The following COL9A1 variants were observed in gnomAD, a reference collection of about 807,000 sequenced individuals.
The protein encoded by COL9A1 is collagen alpha-1(IX) chain.
In COL9A1, 104 loss-of-function variants were observed where a neutral mutation model predicts 142.6. The observed-to-expected ratio is 0.73, with a 90% CI of 0.62 to 0.86. COL9A1 has a LOEUF of 0.86. COL9A1 is among the 40% of genes least tolerant of loss of function. The pLI is 0.00. For missense variants in COL9A1, 1,210 were observed against 1,176.6 expected (o/e 1.03, Z -0.42); for synonymous variants, 466 against 396.0 (o/e 1.18, Z -2.10).
chr6:70,270,349 C>T lies in COL9A1; in HGVS notation c.1162G>A (p.Gly388Arg). 6.2e-7 allele frequency: 1 copy of T among 1,613,742 alleles called. No individual in the cohort carries two copies. The highest frequency in any genetic ancestry group is 1.1e-5 in the South Asian group (1 of 91,044). The change falls in exon 15 of 38, where the codon GGA becomes AGA. Residue 388 changes from glycine to arginine, a missense_variant. Transcript: ENST00000357250. Reference sequence around the variant, plus strand: ...GGGGGGCCAGGGGGGCCAGGTGGTCCTCTTCTCCCAGGGTCACCCTAAGTT... The same window carrying T: ...GGGGGGCCAGGGGGGCCAGGTGGTCTTCTTCTCCCAGGGTCACCCTAAGTT... ...VGPVGDPGRRGPPGPPGPPGP... is the reference protein window; with the variant it reads ...VGPVGDPGRRRPPGPPGPPGP...
chr6:70,270,722 T>C (rs2127590123), intron 14 of COL9A1, among the ~76,000 whole-genome samples: 1 of 152,350 alleles, frequency 6.6e-6, no homozygotes, highest in South Asian at 2.1e-4. Flanking sequence ...CCTATACTGC[T>C]AGTGCCATTC....
In COL9A1 at chr6:70,281,007, G is replaced by C; in HGVS notation, c.909C>G (p.Pro303=). The C allele has an allele frequency of 6.2e-7, 1 of 1,613,336 alleles. No individual in the cohort carries two copies. Among genetic ancestry groups the C allele is most frequent in the Non-Finnish European group, 8.5e-7 (1 of 1,179,710 alleles). The change falls in exon 9 of 38, where the codon CCC becomes CCG. Residue 303 remains proline (P), a synonymous_variant. Coordinates refer to ENST00000357250, the MANE Select transcript of COL9A1 (RefSeq NM_001851.6). ...GDRGPKGPPG[P]PGPAGEPGKP... ...CCATATGCTCCAATCAACTTACCGG[G>C]GGGCCCGGGGGGCCCTTAGGACCTC...
chr6:70,276,792 C>A (rs1461778978), intron 10 of COL9A1, among the ~76,000 whole-genome samples: 1 of 152,178 alleles, frequency 6.6e-6, no homozygotes, highest in Non-Finnish European at 1.5e-5. Flanking sequence ...TCCTCCACAA[C>A]ATCTTTATAT....
intron 20 of COL9A1, among the ~76,000 whole-genome samples, chr6:70,259,449 T>C (rs1771532839): frequency 1.3e-5 from 2 of 152,120 alleles, no homozygotes. Flanking sequence ...TCTTAAAATC[T>C]GATAGAGAGG....
intron 28 of COL9A1, among the ~76,000 whole-genome samples, chr6:70,248,829 T>G (rs2127572031): frequency 6.6e-6 from 1 of 152,324 alleles, no homozygotes; most frequent in Non-Finnish European, 1.5e-5. Context: ...TGGCACCTTC[T>G]GCAGTTACCA....
rs376458734 is a variant in COL9A1, at chr6:70,280,878, A to C, written c.913-4T>G. ...TTCCCGGTTCACCTGCAGGACCCTGAGCAGGGGCAGAAGGGTGCGGGGGCA... is the reference window on the plus strand; with the variant it reads ...TTCCCGGTTCACCTGCAGGACCCTGCGCAGGGGCAGAAGGGTGCGGGGGCA... On this transcript the variant is annotated splice_region_variant and splice_polypyrimidine_tract_variant and intron_variant, in intron 9 of 37. Coordinates refer to ENST00000357250, the MANE Select transcript of COL9A1 (RefSeq NM_001851.6). 3.1e-6 allele frequency: 5 copies of C among 1,613,446 alleles called. No individual in the cohort carries two copies. In the African/African-American group the frequency reaches 6.7e-5, roughly 22 times the overall value.
At position 70,234,733 on chromosome 6, in the gene COL9A1, A is replaced by T. The variant is rs1769789246; in HGVS notation, c.2259+61T>A. The T allele has an allele frequency of 8.1e-6, 13 of 1,611,330 alleles. No homozygotes were observed. The South Asian group carries it at 1.4e-4, about 18-fold the overall frequency. ...TTGTTGAGAAGCTGATGCCTAGAAC[A>T]GCCCTGCTGCTGTGGGATGGAGTCT... is the stretch of plus-strand genomic sequence containing the variant. On this transcript the variant is annotated intron_variant, in intron 34 of 37. Transcript: ENST00000357250.
intron 37 of COL9A1, among the ~76,000 whole-genome samples, chr6:70,220,729 T>C (rs1768831132): frequency 6.6e-6 from 1 of 152,162 alleles, no homozygotes; most frequent in South Asian, 2.1e-4. Context: ...ATAATAACGG[T>C]TCACAAAATG....
intron 4 of COL9A1, among the ~76,000 whole-genome samples, chr6:70,297,315 A>G: frequency 6.6e-6 from 1 of 152,152 alleles, no homozygotes; most frequent in Non-Finnish European, 1.5e-5. Context: ...TTCTCTCCGT[A>G]TATATGAAGA....
At chr6:70,280,463 C>A in intron 10 of COL9A1, 1 of 1,259,630 alleles carries the variant, frequency 7.9e-7, no homozygotes, top group Non-Finnish European at 1.0e-6. Context: ...TAAGCCGAAG[C>A]CAGTACAATC....
chr6:70,274,532 G>T (rs544032078), intron 11 of COL9A1, among the ~76,000 whole-genome samples, 187 bp downstream of exon 11: 3 of 151,788 alleles, frequency 2.0e-5, no homozygotes, highest in Admixed American at 1.3e-4. Context: ...TCCCTGCAAA[G>T]GACATGATCT....
At chr6:70,286,403 G>T (rs143658435) in intron 5 of COL9A1, among the ~76,000 whole-genome samples, 1 of 152,288 alleles carries the variant, frequency 6.6e-6, no homozygotes, top group East Asian at 1.9e-4. Flanking sequence ...ACTAACTGCA[G>T]ACAACTATCT....
At chr6:70,234,977 G>T in intron 33 of COL9A1, 37 bp from the exon 34 acceptor site, 1 of 1,613,844 alleles carries the variant, frequency 6.2e-7, no homozygotes, top group Non-Finnish European at 8.5e-7. Context: ...CCAGGGCTAA[G>T]CATAAAGAAT....
rs529544230 is a variant in COL9A1, at chr6:70,271,942, A to T, written c.1089+123T>A. The stretch of plus-strand genomic sequence containing the variant: ...GTGTTATCCTTAGTAGCCACCTAAG[A>T]TCTTGCAGGTAGAACACTGTAAACA... On this transcript the variant is annotated intron_variant, in intron 13 of 37. Transcript: ENST00000357250. 1.4e-5 allele frequency: 15 copies of T among 1,043,890 alleles called. No individual in the cohort carries two copies. In the East Asian group the frequency reaches 3.5e-4, roughly 24 times the overall value. 64.7% of individuals were successfully genotyped at this position (1,043,890 alleles called of 1,614,324 possible). A position where few individuals can be genotyped will look rare whatever the true frequency, so the allele number is the denominator to read the frequency against.
In COL9A1 at chr6:70,294,308, A is replaced by G. The variant is rs1245668360; in HGVS notation, c.555T>C (p.Ile185=). The change falls in exon 5 of 38, where the codon ATT becomes ATC. Residue 185 remains isoleucine (I), a synonymous_variant. Transcript: ENST00000357250. ...GAGTAGCACTACTCCTCTCCACGCC[A>G]ATCATGATCTTATGCCACTGGGAAT... The part of the protein sequence containing the change: ...LFDSQWHKIM[I]GVERSSATLF... The G allele has an allele frequency of 6.2e-7, 1 of 1,614,084 alleles. No individual in the cohort carries two copies. Among genetic ancestry groups the G allele is most frequent in the Non-Finnish European group, 8.5e-7 (1 of 1,179,968 alleles).
chr6:70,281,335 A>G, intron 8 of COL9A1, 55 bp downstream of exon 8: 1 of 1,537,208 alleles, frequency 6.5e-7, no homozygotes, highest in African/African-American at 1.4e-5. Flanking sequence ...CCCTGGGAAA[A>G]GAATAGGAAA....
chr6:70,284,200 G>A (rs1773346296), intron 5 of COL9A1, among the ~76,000 whole-genome samples: 1 of 152,180 alleles, frequency 6.6e-6, no homozygotes, highest in Non-Finnish European at 1.5e-5. Flanking sequence ...ATAAGTGTCA[G>A]AGTCTGGGTT....
At chr6:70,226,193 A>G (rs1162099831) in intron 36 of COL9A1, among the ~76,000 whole-genome samples, 184 bp from the exon 37 acceptor site, 7 of 152,206 alleles carry the variant, frequency 4.6e-5, no homozygotes, top group South Asian at 2.1e-4. Context: ...CTAAGGGGGG[A>G]AAATCAAATT....
Position 70,269,400 on chromosome 6 carries a change from G to C in COL9A1, c.1230+233C>G, listed in dbSNP as rs373744129. 4.5e-4 allele frequency among the ~76,000 whole-genome samples: 68 copies of C among 152,254 alleles called. No individual in the cohort carries two copies. The East Asian group carries it at 0.012, about 27-fold the overall frequency. On this transcript the variant is annotated intron_variant, in intron 16 of 37. Transcript: ENST00000357250. ...ATGCTCTAGTGAAAAGCATGTCTTA[G>C]TCATAAAGTAAAAAGATCATAAAAG...
Sources: allele counts gnomAD v4.1 joint callset (sites outside exome capture counted in the v4.1 genomes callset), GRCh38; gene constraint gnomAD v4.1.1; transcripts MANE v1.5; gene names NCBI Gene and HGNC (gene_info 2026-07-23, HGNC 2026-07-21).